NUAK1: variants seen among roughly 807,000 people sequenced by gnomAD.
The protein encoded by NUAK1 is NUAK family kinase 1, also known as NUAK family SNF1-like kinase 1.
A neutral mutation model predicts 56.9 loss-of-function variants in NUAK1; 26 were observed. The ratio of observed to expected loss-of-function variants is 0.46; its 90% CI spans 0.33 to 0.63. NUAK1 has a LOEUF of 0.63. Among genes scored for constraint, NUAK1 ranks in the 30% least tolerant of loss-of-function variants. The pLI is 0.02. For synonymous variants in NUAK1, 337 were observed against 336.0 expected, an observed-to-expected ratio of 1.00 and a Z score of -0.03; for missense variants, 727 against 876.1, an observed-to-expected ratio of 0.83 and a Z score of 2.15.
chr12:106,121,430 G>A (rs1003358143), intron 1 of NUAK1, among the ~76,000 whole-genome samples: 2 of 152,094 alleles, frequency 1.3e-5, no homozygotes, highest in African/African-American at 4.8e-5. Context: ...AGTTCTAAGG[G>A]GTCTCCTGTC....
Position 106,064,724 on chromosome 12 carries a change from A to C in NUAK1, c.*2078T>G, listed in dbSNP as rs534722924. On this transcript the variant is annotated 3_prime_UTR_variant, in exon 7 of 7. Coordinates refer to ENST00000261402, the MANE Select transcript of NUAK1 (RefSeq NM_014840.3). The stretch of plus-strand genomic sequence containing the variant: ...CAGCAGCATAGGCTGTTCAGAAAAG[A>C]CTGCATGAAATGAGGCAGGAAGTAG... 1 of 152,224 alleles carries C rather than the reference A, an allele frequency of 6.6e-6. No individual in the cohort carries two copies. Among genetic ancestry groups the C allele is most frequent in the South Asian group, 2.1e-4 (1 of 4,816 alleles). 9.4% of individuals were successfully genotyped at this position (152,224 alleles called of 1,614,324 possible). A position where few individuals can be genotyped will look rare whatever the true frequency, so the allele number is the denominator to read the frequency against.
At chr12:106,095,354 T>G (rs2032686755) in intron 2 of NUAK1, among the ~76,000 whole-genome samples, 1 of 152,180 alleles carries the variant, frequency 6.6e-6, no homozygotes, top group African/African-American at 2.4e-5. Flanking sequence ...AAGACAGCCT[T>G]AGTCTTCCAC....
At chr12:106,092,121 G>A (rs890356849) in intron 2 of NUAK1, among the ~76,000 whole-genome samples, 7 of 152,106 alleles carry the variant, frequency 4.6e-5, no homozygotes, top group African/African-American at 1.7e-4. Context: ...CCCCTGCCAT[G>A]CCCTCTTTCT....
chr12:106,100,520 C>T (rs920277747), intron 2 of NUAK1, among the ~76,000 whole-genome samples: 4 of 152,202 alleles, frequency 2.6e-5, no homozygotes, highest in Non-Finnish European at 5.9e-5. Context: ...CGAAAGGGAC[C>T]GCCTGGTCTG....
At position 106,064,531 on chromosome 12, in the gene NUAK1, C is replaced by A. The variant is rs2032313255; in HGVS notation, c.*2271G>T. The stretch of plus-strand genomic sequence containing the variant: ...AGGAAGAAGGGAGTAGACTGACTTT[C>A]CTCAATAGTGTCATTTTTACTTAAA... On this transcript the variant is annotated 3_prime_UTR_variant, in exon 7 of 7. Coordinates refer to ENST00000261402, the MANE Select transcript of NUAK1 (RefSeq NM_014840.3). 6.6e-6 allele frequency: 1 copy of A among 152,176 alleles called. No individual in the cohort carries two copies. The highest frequency in any genetic ancestry group is 1.5e-5 in the Non-Finnish European group (1 of 68,028). 9.4% of individuals were successfully genotyped at this position (152,176 alleles called of 1,614,324 possible). A position where few individuals can be genotyped will look rare whatever the true frequency, so the allele number is the denominator to read the frequency against.
At chr12:106,128,250 G>C (rs1396305519) in intron 1 of NUAK1, among the ~76,000 whole-genome samples, 4 of 151,252 alleles carry the variant, frequency 2.6e-5, no homozygotes, top group Non-Finnish European at 2.9e-5. Flanking sequence ...TCCTGCCTCA[G>C]CCTACTGAGT....
intron 1 of NUAK1, among the ~76,000 whole-genome samples, chr12:106,130,825 A>G (rs140036849): frequency 6.6e-6 from 1 of 152,266 alleles, no homozygotes; most frequent in Admixed American, 6.5e-5. Context: ...TCTATTGTGT[A>G]CCTACTGTGT....
intron 1 of NUAK1, among the ~76,000 whole-genome samples, chr12:106,110,621 T>C (rs1436016548): frequency 6.6e-6 from 1 of 152,218 alleles, no homozygotes; most frequent in Non-Finnish European, 1.5e-5. Context: ...ATCCCATTTG[T>C]TCCTGTACAA....
At chr12:106,075,286 AACACACACACAC>A (rs370123170) in intron 4 of NUAK1, among the ~76,000 whole-genome samples, 3 of 133,930 alleles carry the variant, frequency 2.2e-5, no homozygotes, top group South Asian at 2.7e-4. Flanking sequence ...AGTATTAATC[AACACACACACAC>A]ACACACACAC....
At chr12:106,133,514 A>T (rs918926359) in intron 1 of NUAK1, among the ~76,000 whole-genome samples, 3 of 151,888 alleles carry the variant, frequency 2.0e-5, no homozygotes, top group Admixed American at 6.6e-5. Flanking sequence ...AAACAAACAA[A>T]CACCATCCAG....
At chr12:106,136,495 G>C (rs1489527310) in intron 1 of NUAK1, among the ~76,000 whole-genome samples, 1 of 152,208 alleles carries the variant, frequency 6.6e-6, no homozygotes, top group Non-Finnish European at 1.5e-5. Flanking sequence ...AACCTAGTCT[G>C]TGGATCAGAC....
chr12:106,075,517 T>C (rs1168200502), intron 4 of NUAK1, among the ~76,000 whole-genome samples: 1 of 152,134 alleles, frequency 6.6e-6, no homozygotes, highest in Non-Finnish European at 1.5e-5. Flanking sequence ...TGTGTCATGG[T>C]GGAGATTAAA....
rs562544395 is a variant in NUAK1, at chr12:106,095,849, T to C, written c.362-8964A>G. Among the ~76,000 whole-genome samples, 9 of 152,246 alleles carry C rather than the reference T, an allele frequency of 5.9e-5. No individual in the cohort carries two copies. In the South Asian group the frequency reaches 1.9e-3, roughly 32 times the overall value. ...GCCTAGCTCTCTTTCATTCTTTTGG[T>C]CCCTAGGGCTGTTCCAAGCATGGGT... On this transcript the variant is annotated intron_variant, in intron 2 of 6. Coordinates refer to ENST00000261402, the MANE Select transcript of NUAK1 (RefSeq NM_014840.3).
chr12:106,068,894 C>T (rs563031611), intron 6 of NUAK1, among the ~76,000 whole-genome samples: 1 of 152,280 alleles, frequency 6.6e-6, no homozygotes, highest in South Asian at 2.1e-4. Context: ...GCAAGAAACA[C>T]CCCTGAAAAG....
chr12:106,124,954 G>A (rs944040938), intron 1 of NUAK1, among the ~76,000 whole-genome samples: 1 of 151,808 alleles, frequency 6.6e-6, no homozygotes, highest in Non-Finnish European at 1.5e-5. Context: ...CCGAGATCAC[G>A]CCACTGCACT....
At chr12:106,111,986 T>C (rs543679793) in intron 1 of NUAK1, among the ~76,000 whole-genome samples, 2 of 147,184 alleles carry the variant, frequency 1.4e-5, no homozygotes, top group Admixed American at 1.4e-4. Context: ...TTGGGATGAA[T>C]AGAAAACATC....
rs2033145794 is a variant in NUAK1 at position 106,138,066 on chromosome 12, C to T, written c.240+348G>A. Among the ~76,000 whole-genome samples, 1 of 152,200 alleles carries T rather than the reference C, an allele frequency of 6.6e-6. No homozygotes were observed. The highest frequency in any genetic ancestry group is 6.5e-5 in the Admixed American group (1 of 15,282). ...GTTGTGGAAATAAGACGTTTCGGGG[C>T]ATGGTCTAAATGAGTGCCTGCGAGG... is the stretch of plus-strand genomic sequence containing the variant. On this transcript the variant is annotated intron_variant, in intron 1 of 6. Transcript: ENST00000261402. The surrounding 1 kb of genome is among the most constrained non-coding windows in gnomAD (Gnocchi z 5.0).
chr12:106,064,927 A>T lies in NUAK1; in HGVS notation c.*1875T>A, dbSNP rs2032319646. 1.3e-5 allele frequency: 2 copies of T among 152,178 alleles called. No homozygotes were observed. Among genetic ancestry groups the T allele is most frequent in the Admixed American group, 6.5e-5 (1 of 15,276 alleles). The allele number at this position is 152,178 out of a possible 1,614,324, so 9.4% of individuals were successfully genotyped here. On this transcript the variant is annotated 3_prime_UTR_variant, in exon 7 of 7. Transcript: ENST00000261402. ...TTCCCATAACACACTGCTCAGCTCAACCTGAAGGAACGCATAAGCCAAAAC... is the reference window on the plus strand; with the variant it reads ...TTCCCATAACACACTGCTCAGCTCATCCTGAAGGAACGCATAAGCCAAAAC...
rs529220231 is a variant in NUAK1, at chr12:106,136,038, G to A, written c.240+2376C>T. Among the ~76,000 whole-genome samples, 26 of 152,276 alleles carry A rather than the reference G, an allele frequency of 1.7e-4. No homozygotes were observed. The South Asian group carries it at 1.9e-3, about 11-fold the overall frequency. On this transcript the variant is annotated intron_variant, in intron 1 of 6. Transcript: ENST00000261402. ...GCAGTGTGCTCAGCAGGGGGAGGACGGGGGGCCAAGGAGGACTTTCCTTCC... is the reference window on the plus strand; with the variant it reads ...GCAGTGTGCTCAGCAGGGGGAGGACAGGGGGCCAAGGAGGACTTTCCTTCC...
Sources: gnomAD v4.1 joint callset for allele counts (sites outside exome capture counted in the v4.1 genomes callset) on GRCh38, gnomAD v4.1.1 for gene constraint, Gnocchi (gnomAD v3.1) non-coding constraint, MANE v1.5 for transcripts, NCBI Gene and HGNC (gene_info 2026-07-23, HGNC 2026-07-21) for gene names.